VPS13A: variants seen among roughly 807,000 people sequenced by gnomAD.
VPS13A encodes vacuolar protein sorting 13 homolog A.
A neutral mutation model predicts 390.9 loss-of-function variants in VPS13A; 264 were observed. That is an observed-to-expected ratio of 0.68 (90% CI 0.61 to 0.75). The LOEUF is 0.75. VPS13A is among the 30% of genes least tolerant of loss of function. VPS13A has a pLI of 0.00. For missense variants in VPS13A, 3,409 were observed against 3,733.9 expected (o/e 0.91, Z 2.27); for synonymous variants, 1,231 against 1,227.1 (o/e 1.00, Z -0.07).
At chr9:77,392,607 A>G (rs1423538962) in intron 68 of VPS13A, among the ~76,000 whole-genome samples, 1 of 152,102 alleles carries the variant, frequency 6.6e-6, no homozygotes, top group African/African-American at 2.4e-5. Flanking sequence ...ACCAGAATAA[A>G]GCGAATATGG....
intron 53 of VPS13A, among the ~76,000 whole-genome samples, chr9:77,352,406 TGAG>T (rs959477679): frequency 2.0e-5 from 3 of 152,164 alleles, no homozygotes; most frequent in African/African-American, 7.2e-5. Context: ...GTGCTGCTGT[TGAG>T]GAGTCTGCTG....
intron 71 of VPS13A, 114 bp from the exon 72 acceptor site, chr9:77,415,842 C>T: frequency 8.4e-7 from 1 of 1,193,330 alleles, no homozygotes; most frequent in Non-Finnish European, 1.2e-6. Flanking sequence ...TATTGGCTGT[C>T]AGTATTACAC....
At chr9:77,240,198 T>G (rs1026904423) in intron 19 of VPS13A, among the ~76,000 whole-genome samples, 4 of 151,272 alleles carry the variant, frequency 2.6e-5, no homozygotes, top group Admixed American at 2.0e-4. Flanking sequence ...TTCTCCTGCC[T>G]CAGCCTCCCG....
At chr9:77,227,982 G>T (rs1823617113) in intron 16 of VPS13A, 140 bp from the exon 17 acceptor site, 2 of 566,014 alleles carry the variant, frequency 3.5e-6, no homozygotes, top group South Asian at 5.2e-5. Context: ...CTCTTTTTTT[G>T]GGGTCAATGT....
intron 71 of VPS13A, among the ~76,000 whole-genome samples, chr9:77,414,445 T>C (rs1286223916): frequency 6.6e-6 from 1 of 152,100 alleles, no homozygotes; most frequent in Non-Finnish European, 1.5e-5. Flanking sequence ...TGTAGGGACA[T>C]GGATGAAGCT....
intron 40 of VPS13A, 35 bp downstream of exon 40, chr9:77,317,733 C>A: frequency 1.3e-6 from 2 of 1,486,716 alleles, no homozygotes; most frequent in Middle Eastern, 2.2e-4. Flanking sequence ...ATATTTAGTG[C>A]ACTTAAAAAA....
intron 26 of VPS13A, among the ~76,000 whole-genome samples, chr9:77,279,303 C>G (rs889592600): frequency 3.9e-5 from 6 of 152,036 alleles, no homozygotes; most frequent in African/African-American, 1.4e-4. Context: ...GTTGGGCCAC[C>G]CAGCAGATGG....
chr9:77,278,089 G>C (rs144294524), intron 26 of VPS13A, among the ~76,000 whole-genome samples: 7,680 of 151,876 alleles, frequency 0.051, 293 homozygotes, highest in Middle Eastern at 0.078. Flanking sequence ...TTTATTTTTT[G>C]AGATGGAGTC....
chr9:77,330,773 C>A (rs962880286), intron 45 of VPS13A, among the ~76,000 whole-genome samples: 3 of 151,702 alleles, frequency 2.0e-5, no homozygotes, highest in Non-Finnish European at 4.4e-5. Context: ...AAAAATGTTT[C>A]CCTCAAATTA....
chr9:77,361,254 G>T (rs575538115), intron 59 of VPS13A, among the ~76,000 whole-genome samples: 91 of 152,128 alleles, frequency 6.0e-4, no homozygotes, highest in African/African-American at 2.1e-3. Flanking sequence ...TCCCCAAAAG[G>T]AACTGCCTGT....
chr9:77,404,628 T>C (rs1587726692), intron 69 of VPS13A, among the ~76,000 whole-genome samples: 1 of 152,246 alleles, frequency 6.6e-6, no homozygotes, highest in East Asian at 1.9e-4. Flanking sequence ...TTTTAAAAGT[T>C]ATCTTTTTTC....
intron 68 of VPS13A, chr9:77,389,688 T>C (rs930590617): frequency 1.3e-5 from 2 of 152,144 alleles, no homozygotes; most frequent in African/African-American, 2.4e-5. Context: ...TTTAAAAACA[T>C]TTCTTCCCTT....
intron 31 of VPS13A, among the ~76,000 whole-genome samples, chr9:77,292,706 T>A (rs1042342374): frequency 6.6e-6 from 1 of 152,210 alleles, no homozygotes; most frequent in Admixed American, 6.5e-5. Context: ...GAGAAAGTTA[T>A]GAGCTTAGTG....
At chr9:77,357,619 T>C in intron 55 of VPS13A, 73 bp from the exon 56 acceptor site, 1 of 1,511,346 alleles carries the variant, frequency 6.6e-7, no homozygotes, top group Non-Finnish European at 9.0e-7. Context: ...TTAAAAAGTT[T>C]TTGGCATTAA....
intron 68 of VPS13A, among the ~76,000 whole-genome samples, chr9:77,401,904 C>T (rs984952522): frequency 6.6e-6 from 1 of 152,010 alleles, no homozygotes; most frequent in African/African-American, 2.4e-5. Context: ...TATTGTTAAT[C>T]TCTTACTGTG....
intron 34 of VPS13A, among the ~76,000 whole-genome samples, chr9:77,305,976 T>A (rs745593842): frequency 7.9e-5 from 12 of 152,148 alleles, no homozygotes; most frequent in Non-Finnish European, 1.5e-4. Context: ...TAATCAGTAT[T>A]TGAGGTGCAT....
chr9:77,295,587 G>A lies in VPS13A; in HGVS notation c.3553G>A (p.Ala1185Thr). The A allele has an allele frequency of 6.2e-7, 1 of 1,611,792 alleles. No homozygotes were observed. Among genetic ancestry groups the A allele is most frequent in the Non-Finnish European group, 8.5e-7 (1 of 1,178,254 alleles). The change falls in exon 33 of 72, where the codon GCA becomes ACA. Residue 1185 changes from alanine (A) to threonine (T), a missense_variant. Physicochemically the swap from Ala to Thr is moderately conservative, Grantham distance 58. Coordinates refer to ENST00000360280, the MANE Select transcript of VPS13A (RefSeq NM_033305.3). ...FQAAKQALAE[A>T]TVQAAGMAAT... ...GGCAGCTAAACAAGCCTTGGCTGAG[G>A]CAACTGTTCAGGCAGCTGGAATGGC...
At chr9:77,327,577 A>G (rs1309430756) in intron 45 of VPS13A, among the ~76,000 whole-genome samples, 1 of 151,896 alleles carries the variant, frequency 6.6e-6, no homozygotes, top group Non-Finnish European at 1.5e-5. Flanking sequence ...TTGTTTTACT[A>G]AACAACTTGT....
chr9:77,353,553 C>T lies in VPS13A; in HGVS notation c.7564C>T (p.Gln2522Ter). The T allele has an allele frequency of 6.2e-7, 1 of 1,613,406 alleles. No homozygotes were observed. The highest frequency in any genetic ancestry group is 1.7e-5 in the Admixed American group (1 of 59,960). The change falls in exon 54 of 72, where the codon CAA (glutamine) becomes TAA (stop). Residue 2522 changes from glutamine (Q) to a stop codon, truncating the protein, a stop_gained. Transcript: ENST00000360280. LOFTEE classifies it high-confidence loss of function. ...AAGTGAGAAAGCAGAGTTAGCAGAG[C>T]AAGAAATTGCAGTGGCATTACAAGA... ...YESEKAELAE[Q>*]EIAVALQDVG...
Sources: allele counts gnomAD v4.1 joint callset (sites outside exome capture counted in the v4.1 genomes callset), GRCh38; gene constraint gnomAD v4.1.1; transcripts MANE v1.5; gene names NCBI Gene and HGNC (gene_info 2026-07-23, HGNC 2026-07-21).